Variants in RSPO2 observed in about 807,000 individuals in gnomAD.
The protein encoded by RSPO2 is R-spondin 2, also known as R-spondin-2.
RSPO2 carries 14 observed loss-of-function variants against 30.9 expected under a neutral mutation model. The ratio of observed to expected loss-of-function variants is 0.45; its 90% confidence interval spans 0.30 to 0.71. RSPO2 has a LOEUF of 0.71. Among genes scored for constraint, RSPO2 ranks in the 30% least tolerant of loss-of-function variants. RSPO2 has a pLI of 0.08. For synonymous variants in RSPO2, 107 were observed against 96.4 expected (o/e 1.11, Z -0.64); for missense variants, 264 against 301.9 (o/e 0.87, Z 0.93).
rs745775373 is a variant in RSPO2, at chr8:108,082,645, G to A, written c.-7C>T. 5.6e-6 allele frequency: 9 copies of A among 1,612,044 alleles called. No homozygotes were observed. Among genetic ancestry groups the A allele is most frequent in the Non-Finnish European group, 4.2e-6 (5 of 1,178,400 alleles). ...AGAAAAGGCGAAACTGCATCTGGGC[G>A]GTCGGGCGGGGGAGAGACGCCTCTC... On this transcript the variant is annotated 5_prime_UTR_variant, in exon 2 of 6. Transcript: ENST00000276659.
In RSPO2 at chr8:107,989,184, C is replaced by T; in HGVS notation, c.155G>A (p.Cys52Tyr). The T allele has an allele frequency of 1.2e-6, 2 of 1,609,814 alleles. No homozygotes were observed. The highest frequency in any genetic ancestry group is 1.7e-6 in the Non-Finnish European group (2 of 1,178,552). The change falls in exon 3 of 6, where the codon TGT becomes TAT. Residue 52 changes from cysteine (C) to tyrosine (Y), a missense_variant. By Grantham distance (194) the Cys-to-Tyr change is radical. Transcript: ENST00000276659. ...GAACAACTTCTGTTGACATCGGCTA[C>T]ACCCATTGTCCTTTGAACAAGACAA... Reference protein sequence around the residue: ...GCLSCSKDNGCSRCQQKLFFF... With the variant: ...GCLSCSKDNGYSRCQQKLFFF...
intron 5 of RSPO2, among the ~76,000 whole-genome samples, chr8:107,949,162 C>G (rs924159226): frequency 1.3e-5 from 2 of 151,980 alleles, no homozygotes; most frequent in Non-Finnish European, 2.9e-5. Context: ...ATCCCTCACC[C>G]CCTTCCCCCC....
chr8:108,075,439 C>T (rs1401073569), intron 2 of RSPO2, among the ~76,000 whole-genome samples: 1 of 151,040 alleles, frequency 6.6e-6, no homozygotes, highest in Non-Finnish European at 1.5e-5. Context: ...AAGATCACAC[C>T]ATTGCACTCC....
At chr8:108,020,578 ATTTT>A (rs966566153) in intron 2 of RSPO2, among the ~76,000 whole-genome samples, 47 of 152,054 alleles carry the variant, frequency 3.1e-4, no homozygotes, top group African/African-American at 1.1e-3. Context: ...CAATGTTCTT[ATTTT>A]TTTAGTTTTT....
At chr8:108,066,554 C>T (rs1490874389) in intron 2 of RSPO2, among the ~76,000 whole-genome samples, 1 of 152,086 alleles carries the variant, frequency 6.6e-6, no homozygotes, top group Non-Finnish European at 1.5e-5. Context: ...AATCAAAGCA[C>T]TTTATTCACT....
At chr8:107,984,789 A>G (rs1475631680) in intron 3 of RSPO2, among the ~76,000 whole-genome samples, 1 of 152,176 alleles carries the variant, frequency 6.6e-6, no homozygotes, top group African/African-American at 2.4e-5. Context: ...GTTGCCATGA[A>G]TAATGTTTTA....
intron 2 of RSPO2, among the ~76,000 whole-genome samples, chr8:107,995,604 A>G (rs573488043): frequency 4.7e-4 from 72 of 152,262 alleles, no homozygotes; most frequent in Non-Finnish European, 8.5e-4. Flanking sequence ...TATGAAGACC[A>G]CAACCAGTTT....
At chr8:107,937,915 G>T (rs1027360916) in intron 5 of RSPO2, among the ~76,000 whole-genome samples, 7 of 152,118 alleles carry the variant, frequency 4.6e-5, no homozygotes, top group African/African-American at 1.7e-4. Context: ...TACACAATTT[G>T]CTCATATACA....
rs555496132 is a variant in RSPO2, at chr8:107,956,084, G to A, written c.616+1996C>T. 7.9e-5 allele frequency among the ~76,000 whole-genome samples: 12 copies of A among 152,222 alleles called. No individual in the cohort carries two copies. In the East Asian group the frequency reaches 1.5e-3, roughly 20 times the overall value. On this transcript the variant is annotated intron_variant, in intron 5 of 5. Coordinates refer to ENST00000276659, the MANE Select transcript of RSPO2 (RefSeq NM_178565.5). ...GGTAGGATACTCCCCTGGAAGTTAC[G>A]CCAATTTTTATCAATCGGTGCTCAA... is the stretch of plus-strand genomic sequence containing the variant.
intron 2 of RSPO2, among the ~76,000 whole-genome samples, chr8:108,011,384 CAG>C (rs1428468070): frequency 6.6e-6 from 1 of 151,964 alleles, no homozygotes; most frequent in Non-Finnish European, 1.5e-5. Context: ...AAAATATTAA[CAG>C]TGATTACTAC....
intron 2 of RSPO2, among the ~76,000 whole-genome samples, chr8:108,042,353 A>C (rs1166014222): frequency 6.6e-6 from 1 of 152,168 alleles, no homozygotes; most frequent in African/African-American, 2.4e-5. Flanking sequence ...AGACTGTCCA[A>C]TAATGACAGT....
Position 107,958,085 on chromosome 8 carries a change from G to A in RSPO2, c.611C>T (p.Pro204Leu). ...GTGATTATATCCACACCTACCTCCT[G>A]GACAATGCCTCATTGTCATCTTGCA... Reference protein sequence around the residue: ...RRCKMTMRHCPGGKRTPKAKE... With the variant: ...RRCKMTMRHCLGGKRTPKAKE... The change falls in exon 5 of 6, where the codon CCA becomes CTA. Residue 204 changes from proline to leucine, a missense_variant. Physicochemically the swap from Pro to Leu is moderately conservative, Grantham distance 98 (BLOSUM62 -3). Transcript: ENST00000276659. The A allele has an allele frequency of 1.2e-6, 2 of 1,609,194 alleles. No homozygotes were observed. The highest frequency in any genetic ancestry group is 1.7e-6 in the Non-Finnish European group (2 of 1,175,806).
At chr8:108,058,812 C>T (rs572834725) in intron 2 of RSPO2, among the ~76,000 whole-genome samples, 190 of 151,694 alleles carry the variant, frequency 1.3e-3, no homozygotes, top group Middle Eastern at 3.4e-3. Flanking sequence ...AAGCTGAAAC[C>T]GGATCCCTTC....
intron 5 of RSPO2, among the ~76,000 whole-genome samples, chr8:107,938,890 C>T (rs1305122152): frequency 2.0e-5 from 3 of 152,134 alleles, no homozygotes; most frequent in Middle Eastern, 3.2e-3. Context: ...AAATGCTACC[C>T]ACATTTTGCC....
chr8:108,049,212 C>T (rs893151402), intron 2 of RSPO2, among the ~76,000 whole-genome samples: 4 of 151,544 alleles, frequency 2.6e-5, no homozygotes, highest in African/African-American at 9.7e-5. Flanking sequence ...CAAACCTGCA[C>T]GTTCTGCACA....
intron 2 of RSPO2, among the ~76,000 whole-genome samples, chr8:108,053,394 C>A (rs1232839386): frequency 1.3e-5 from 2 of 152,154 alleles, no homozygotes; most frequent in Admixed American, 1.3e-4. Context: ...TCCTTCCCAT[C>A]AACAGTTCAA....
At chr8:107,946,938 T>C (rs1347177689) in intron 5 of RSPO2, among the ~76,000 whole-genome samples, 1 of 152,160 alleles carries the variant, frequency 6.6e-6, no homozygotes, top group Non-Finnish European at 1.5e-5. Flanking sequence ...TGTCCAAGTG[T>C]GTGCTGTAGG....
chr8:107,979,223 C>T (rs769903880), intron 3 of RSPO2, among the ~76,000 whole-genome samples: 3 of 152,168 alleles, frequency 2.0e-5, no homozygotes, highest in South Asian at 4.1e-4. Context: ...TATAAAGACA[C>T]GTGCACACGT....
intron 2 of RSPO2, chr8:107,996,816 C>A: frequency 5.2e-6 from 2 of 383,752 alleles, no homozygotes; most frequent in Non-Finnish European, 1.0e-5. Flanking sequence ...CAAACTGTGC[C>A]CTGCATTTTT....
Sources: gnomAD v4.1 joint callset for allele counts (sites outside exome capture counted in the v4.1 genomes callset) on GRCh38, gnomAD v4.1.1 for gene constraint, MANE v1.5 for transcripts, NCBI Gene and HGNC (gene_info 2026-07-23, HGNC 2026-07-21) for gene names.